The following IL1RAPL1 variants were observed in gnomAD, a reference collection of about 807,000 sequenced individuals.
IL1RAPL1 encodes the protein interleukin 1 receptor accessory protein like 1, also known as interleukin-1 receptor accessory protein-like 1.
In IL1RAPL1, 3 loss-of-function variants were observed where a neutral mutation model predicts 48.4. The observed-to-expected ratio is 0.06, with a 90% CI of 0.03 to 0.16. The LOEUF (loss-of-function observed/expected upper bound fraction) is 0.16, where lower values mean the gene tolerates loss of function less well. IL1RAPL1 is among the 10% of genes least tolerant of loss of function. The pLI, the probability that IL1RAPL1 is intolerant of heterozygous loss-of-function variation, is 1.00. For missense variants in IL1RAPL1, 349 were observed against 530.6 expected, an observed-to-expected ratio of 0.66 and a Z score of 3.36; for synonymous variants, 185 against 187.7, an observed-to-expected ratio of 0.99 and a Z score of 0.12.
intron 6 of IL1RAPL1, among the ~76,000 whole-genome samples, chrX:29,917,022 G>T (rs748501692): frequency 1.8e-5 from 2 of 112,147 alleles, no homozygotes; most frequent in South Asian, 7.4e-4. Flanking sequence ...TGCAGCCAAA[G>T]ATTTTCTATC....
At chrX:28,800,760 G>A (rs147426287) in intron 2 of IL1RAPL1, among the ~76,000 whole-genome samples, 7 of 111,125 alleles carry the variant, frequency 6.3e-5, no homozygotes, top group African/African-American at 1.3e-4. Context: ...GAGAGACAAC[G>A]GAGTCTGAAA....
intron 5 of IL1RAPL1, among the ~76,000 whole-genome samples, chrX:29,483,554 T>G (rs772909607): frequency 8.9e-6 from 1 of 111,942 alleles, no homozygotes; most frequent in East Asian, 2.8e-4. Context: ...GGAAGTAACC[T>G]TCCTTAGTGA....
chrX:29,209,049 T>A (rs1480430281), intron 2 of IL1RAPL1, among the ~76,000 whole-genome samples: 1 of 111,733 alleles, frequency 8.9e-6, no homozygotes, highest in Non-Finnish European at 1.9e-5. Context: ...TACCTTCTAT[T>A]TAGCACTCTT....
At chrX:29,328,059 T>C (rs913729133) in intron 3 of IL1RAPL1, among the ~76,000 whole-genome samples, 2 of 112,241 alleles carry the variant, frequency 1.8e-5, no homozygotes, top group African/African-American at 6.5e-5. Flanking sequence ...TATTGATTTA[T>C]ATTAGTATGT....
chrX:28,868,440 C>T (rs1336494558), intron 2 of IL1RAPL1, among the ~76,000 whole-genome samples: 2 of 111,284 alleles, frequency 1.8e-5, no homozygotes, highest in South Asian at 3.7e-4. Flanking sequence ...GTTCAATTTA[C>T]ACCATGCACC....
intron 6 of IL1RAPL1, among the ~76,000 whole-genome samples, chrX:29,708,164 G>A (rs1160487338): frequency 9.1e-6 from 1 of 110,289 alleles, no homozygotes; most frequent in Non-Finnish European, 1.9e-5. Flanking sequence ...ACTATAATGG[G>A]ATGTTTTGAT....
At chrX:29,148,095 A>T (rs1387869843) in intron 2 of IL1RAPL1, among the ~76,000 whole-genome samples, 1 of 112,092 alleles carries the variant, frequency 8.9e-6, no homozygotes, top group African/African-American at 3.2e-5. Context: ...TGCATGCATT[A>T]TATATGCATA....
At chrX:28,698,196 C>T (rs1397056078) in intron 1 of IL1RAPL1, among the ~76,000 whole-genome samples, 1 of 111,478 alleles carries the variant, frequency 9.0e-6, no homozygotes, top group African/African-American at 3.3e-5. Flanking sequence ...TCTATGTCAT[C>T]TTCCTTCTCT....
intron 5 of IL1RAPL1, among the ~76,000 whole-genome samples, chrX:29,579,379 A>G (rs1033129592): frequency 5.4e-5 from 6 of 111,794 alleles, no homozygotes; most frequent in African/African-American, 1.9e-4. Context: ...ATGACTGGGT[A>G]TGTGTGGTGA....
At chrX:28,864,948 A>C (rs1193062977) in intron 2 of IL1RAPL1, among the ~76,000 whole-genome samples, 1 of 111,646 alleles carries the variant, frequency 9.0e-6, no homozygotes, top group African/African-American at 3.3e-5. Flanking sequence ...TGTTAGACTA[A>C]AGTGGCAGCA....
intron 2 of IL1RAPL1, among the ~76,000 whole-genome samples, chrX:29,071,855 T>C (rs759020096): frequency 2.7e-5 from 3 of 112,189 alleles, no homozygotes; most frequent in Non-Finnish European, 5.6e-5. Context: ...CCTAAATAAA[T>C]GTTTATCGAA....
chrX:28,609,012 T>G (rs1395399537), intron 1 of IL1RAPL1, among the ~76,000 whole-genome samples: 2 of 112,155 alleles, frequency 1.8e-5, no homozygotes, highest in African/African-American at 3.2e-5. Context: ...CATTAAGATG[T>G]GAATGTTTTA....
chrX:29,127,923 C>CACT (rs2147481596), intron 2 of IL1RAPL1, among the ~76,000 whole-genome samples: 1 of 107,538 alleles, frequency 9.3e-6, no homozygotes, highest in African/African-American at 3.4e-5. Flanking sequence ...GAGATTGTGC[C>CACT]ACTGCACTCC....
chrX:29,157,119 G>A (rs1415345896), intron 2 of IL1RAPL1, among the ~76,000 whole-genome samples: 1 of 111,050 alleles, frequency 9.0e-6, no homozygotes, highest in Non-Finnish European at 1.9e-5. Context: ...AGCAAAATGT[G>A]GACATGTGGG....
intron 2 of IL1RAPL1, among the ~76,000 whole-genome samples, chrX:29,248,506 TTCAAC>T (rs1931554683): frequency 8.9e-6 from 1 of 111,998 alleles, no homozygotes; most frequent in Non-Finnish European, 1.9e-5. Context: ...ATAAGAAAAG[TTCAAC>T]TCAATGCAAA....
chrX:28,837,085 A>G (rs938475934), intron 2 of IL1RAPL1, among the ~76,000 whole-genome samples: 1 of 111,241 alleles, frequency 9.0e-6, no homozygotes, highest in African/African-American at 3.3e-5. Flanking sequence ...AAACTTATAT[A>G]TATTTATGGC....
intron 2 of IL1RAPL1, among the ~76,000 whole-genome samples, chrX:28,980,430 T>C (rs190368878): frequency 8.3e-4 from 94 of 112,771 alleles, no homozygotes; most frequent in Non-Finnish European, 1.4e-3. Context: ...GTCTGTGTTC[T>C]CTGTTTAAAT....
intron 6 of IL1RAPL1, among the ~76,000 whole-genome samples, chrX:29,828,508 T>C (rs2052187361): frequency 8.9e-6 from 1 of 111,751 alleles, no homozygotes; most frequent in Non-Finnish European, 1.9e-5. Context: ...TGTTGATGAA[T>C]CATATGTGGG....
At chrX:29,928,539 T>C (rs1299910440) in intron 8 of IL1RAPL1, among the ~76,000 whole-genome samples, 1 of 112,242 alleles carries the variant, frequency 8.9e-6, no homozygotes, top group African/African-American at 3.2e-5. Flanking sequence ...AATGCTGTTG[T>C]TTGAAAAAGC....
Sources: allele counts gnomAD v4.1 joint callset (sites outside exome capture counted in the v4.1 genomes callset), GRCh38; gene constraint gnomAD v4.1.1; transcripts MANE v1.5; gene names NCBI Gene and HGNC (gene_info 2026-07-23, HGNC 2026-07-21).